TUT7: variants seen among roughly 807,000 people sequenced by gnomAD.
TUT7 encodes terminal uridylyl transferase 7.
Under a neutral mutation model 165.9 loss-of-function variants are expected in TUT7, and 33 were observed. The ratio of observed to expected loss-of-function variants is 0.20; its 90% CI spans 0.15 to 0.27. The LOEUF is 0.27. Among genes scored for constraint, TUT7 ranks in the 10% least tolerant of loss-of-function variants. The probability of loss-of-function intolerance (pLI) is 1.00; values close to 1 mark genes in which losing one functional copy is unlikely to be tolerated. For missense variants in TUT7, 1,338 were observed against 1,762.3 expected (o/e 0.76, Z 4.31); for synonymous variants, 552 against 608.1 (o/e 0.91, Z 1.36).
At chr9:86,298,427 C>T (rs1826555802) in intron 26 of TUT7, among the ~76,000 whole-genome samples, 1 of 152,084 alleles carries the variant, frequency 6.6e-6, no homozygotes. Context: ...TTGTGTGTGG[C>T]AAATACTCTC....
intron 5 of TUT7, 63 bp from the exon 6 acceptor site, chr9:86,343,226 A>C: frequency 1.0e-6 from 1 of 1,002,102 alleles, no homozygotes; most frequent in Non-Finnish European, 1.4e-6. Context: ...AGTTATAACA[A>C]AACACTGCTA....
At position 86,353,165 on chromosome 9, in the gene TUT7, C is replaced by A. The variant is rs201201332; in HGVS notation, c.35G>T (p.Arg12Leu). The A allele has an allele frequency of 3.1e-6, 5 of 1,593,380 alleles. No homozygotes were observed. Among genetic ancestry groups the A allele is most frequent in the East Asian group, 2.2e-5 (1 of 44,744 alleles). ...GDTAKPYFVK[R>L]TKDRGTMDDD... is the part of the protein sequence containing the mutation. Reference sequence around the variant, plus strand: ...ATCCATAGTCCCCCGGTCTTTAGTGCGCTTCACGAAATAAGGTTTTGCTGT... The same window carrying A: ...ATCCATAGTCCCCCGGTCTTTAGTGAGCTTCACGAAATAAGGTTTTGCTGT... Residue 12 changes from arginine to leucine, a missense_variant, in exon 2 of 27, where the codon CGC (arginine) becomes CTC (leucine). Around this residue, in one of 7 missense-constraint regions of TUT7, gnomAD observed 434 missense variants for 480.8 expected, o/e 0.90. Transcript: ENST00000375963.
chr9:86,321,172 G>A (rs1214779091), intron 14 of TUT7, among the ~76,000 whole-genome samples: 1 of 151,320 alleles, frequency 6.6e-6, no homozygotes, highest in African/African-American at 2.4e-5. Flanking sequence ...GGCCAATATG[G>A]TGAAACCCCA....
chr9:86,350,027 A>G (rs1328563528), intron 2 of TUT7, among the ~76,000 whole-genome samples: 1 of 152,130 alleles, frequency 6.6e-6, no homozygotes, highest in Admixed American at 6.6e-5. Flanking sequence ...TGATCTATAA[A>G]CTTTCTTTTT....
chr9:86,352,517 T>G, intron 2 of TUT7, 163 bp downstream of exon 2: 2 of 822,514 alleles, frequency 2.4e-6, no homozygotes, highest in South Asian at 1.7e-5. Context: ...TCAAATATCA[T>G]GATTACTATC....
At chr9:86,344,846 CA>C in intron 5 of TUT7, 130 bp downstream of exon 5, 3 of 943,126 alleles carry the variant, frequency 3.2e-6, no homozygotes, top group South Asian at 2.0e-5. Context: ...AAACAAAAAA[CA>C]AAAAAATAGA....
chr9:86,289,480 C>G (rs1825752020), intron 26 of TUT7, among the ~76,000 whole-genome samples: 1 of 152,148 alleles, frequency 6.6e-6, no homozygotes, highest in South Asian at 2.1e-4. Context: ...TTTCCCTCCT[C>G]ACACCATATC....
chr9:86,299,335 A>G (rs1021993725), intron 26 of TUT7, among the ~76,000 whole-genome samples: 1 of 152,046 alleles, frequency 6.6e-6, no homozygotes, highest in African/African-American at 2.4e-5. Context: ...CCTGTTTTCA[A>G]ACTTTCACAG....
At chr9:86,317,181 A>G (rs773699073) in intron 17 of TUT7, 38 bp downstream of exon 17, 3 of 1,581,860 alleles carry the variant, frequency 1.9e-6, no homozygotes, top group South Asian at 2.2e-5. Context: ...ACTAATTAAA[A>G]AGTCAGAAAT....
At chr9:86,300,476 T>C (rs1277113433) in intron 26 of TUT7, among the ~76,000 whole-genome samples, 1 of 152,246 alleles carries the variant, frequency 6.6e-6, no homozygotes, top group Non-Finnish European at 1.5e-5. Context: ...ATTTCTTTTC[T>C]ATGCTTATCA....
At position 86,325,502 on chromosome 9, in the gene TUT7, A is replaced by C. The variant is rs780541304; in HGVS notation, c.1621T>G (p.Leu541Val). 1.9e-6 allele frequency: 3 copies of C among 1,613,594 alleles called. No individual in the cohort carries two copies. Among genetic ancestry groups the C allele is most frequent in the Middle Eastern group, 1.7e-4 (1 of 6,048 alleles). ...PIKRGQVSLI[L>V]DVKHQPSVPV... ...ACTGAAGGCTGGTGTTTCACATCCA[A>C]TATTAATGACACCTATTAATAGCAA... Residue 541 changes from leucine (L) to valine (V), a missense_variant, in exon 12 of 27, where the codon TTG (leucine) becomes GTG (valine). Leu to Val is a conservative substitution (Grantham distance 32). This residue lies in a region of TUT7 where 53 missense variants were observed against 46.3 expected (regional missense o/e 1.15). Transcript: ENST00000375963.
intron 3 of TUT7, among the ~76,000 whole-genome samples, chr9:86,346,024 CT>C (rs1460805593): frequency 6.6e-6 from 1 of 152,114 alleles, no homozygotes; most frequent in Non-Finnish European, 1.5e-5. Context: ...GTAACTGGGG[CT>C]ACAGGCATGC....
rs114606166 is a variant in TUT7 at position 86,333,881 on chromosome 9, G to C, written c.1455+3538C>G. Among the ~76,000 whole-genome samples, 411 of 152,274 alleles carry C rather than the reference G, an allele frequency of 2.7e-3. 1 individual carries two copies. The highest frequency in any genetic ancestry group is 9.7e-3 in the African/African-American group (401 of 41,548). ...AGGATGTTTATTGTTTTCTGCAGCTGTCGTAGCTGAAAATTCCTCTGGTGT... is the reference window on the plus strand; with the variant it reads ...AGGATGTTTATTGTTTTCTGCAGCTCTCGTAGCTGAAAATTCCTCTGGTGT... On this transcript the variant is annotated intron_variant, in intron 10 of 26. Coordinates refer to ENST00000375963, the MANE Select transcript of TUT7 (RefSeq NM_024617.4).
chr9:86,328,537 T>C (rs1830013741), intron 10 of TUT7, 45 bp from the exon 11 acceptor site: 3 of 1,521,024 alleles, frequency 2.0e-6, no homozygotes, highest in African/African-American at 1.4e-5. Flanking sequence ...GAAATAATCT[T>C]ATATCAAACA....
At chr9:86,315,039 A>G (rs151018087) in intron 17 of TUT7, among the ~76,000 whole-genome samples, 1 of 152,322 alleles carries the variant, frequency 6.6e-6, no homozygotes, top group Admixed American at 6.5e-5. Flanking sequence ...ATTGAATATT[A>G]CCTTACATTG....
At chr9:86,291,378 C>T (rs756082692) in intron 26 of TUT7, among the ~76,000 whole-genome samples, 15 of 152,002 alleles carry the variant, frequency 9.9e-5, no homozygotes, top group Non-Finnish European at 1.6e-4. Flanking sequence ...CAAGGCCAGC[C>T]TGGCCAACAT....
Position 86,346,387 on chromosome 9 carries a change from T to A in TUT7, c.614A>T (p.Asp205Val). ...CTCCTTCGTTGAAAGTACAGACTCA[T>A]CGATCACAGGGCCTTCCAAGTCTCC... ...QDGDLEGPVI[D>V]ESVLSTKELL... Residue 205 changes from aspartate (D) to valine (V), a missense_variant, in exon 3 of 27, where the codon GAT becomes GTT. Transcript: ENST00000375963. 1 of 1,614,126 alleles carries A rather than the reference T, an allele frequency of 6.2e-7. No homozygotes were observed. Among genetic ancestry groups the A allele is most frequent in the African/African-American group, 1.3e-5 (1 of 75,034 alleles).
At chr9:86,313,438 A>T (rs1474770520) in intron 17 of TUT7, among the ~76,000 whole-genome samples, 3 of 152,168 alleles carry the variant, frequency 2.0e-5, no homozygotes, top group African/African-American at 7.2e-5. Flanking sequence ...TCAGAGTAAG[A>T]GTTACCACTT....
At chr9:86,341,115 A>T (rs1831282495) in intron 6 of TUT7, 62 bp from the exon 7 acceptor site, 1 of 1,339,064 alleles carries the variant, frequency 7.5e-7, no homozygotes, top group Middle Eastern at 1.8e-4. Context: ...CACTGATATA[A>T]GAGTCATCCG....
Sources: allele counts gnomAD v4.1 joint callset (sites outside exome capture counted in the v4.1 genomes callset), GRCh38; gene constraint gnomAD v4.1.1; regional missense constraint gnomAD v4.1.1; transcripts MANE v1.5; gene names NCBI Gene and HGNC (gene_info 2026-07-23, HGNC 2026-07-21).